Variants in ATAD2B observed in about 807,000 individuals in gnomAD.
The protein encoded by ATAD2B is ATPase family AAA domain-containing protein 2B.
In ATAD2B, 40 loss-of-function variants were observed where a neutral mutation model predicts 167.6. That is an observed-to-expected ratio of 0.24 (90% CI 0.19 to 0.31). The LOEUF (loss-of-function observed/expected upper bound fraction) is 0.31, where lower values mean the gene tolerates loss of function less well. Among genes scored for constraint, ATAD2B ranks in the 10% least tolerant of loss-of-function variants. The pLI is 1.00. For synonymous variants in ATAD2B, 579 were observed against 596.5 expected, an observed-to-expected ratio of 0.97 and a Z score of 0.43; for missense variants, 1,242 against 1,757.2, an observed-to-expected ratio of 0.71 and a Z score of 5.24.
At chr2:23,910,333 G>A (rs971996406) in intron 1 of ATAD2B, among the ~76,000 whole-genome samples, 3 of 151,116 alleles carry the variant, frequency 2.0e-5, no homozygotes, top group Admixed American at 6.6e-5. Context: ...CATGCACCAC[G>A]ATGCTCAGCT....
chr2:23,919,188 AAG>A (rs147968741), intron 1 of ATAD2B, among the ~76,000 whole-genome samples: 18 of 150,970 alleles, frequency 1.2e-4, no homozygotes, highest in Admixed American at 7.3e-4. Context: ...ATTAAAAAAA[AAG>A]AGAGAGAGAG....
At chr2:23,767,612 T>A (rs1677635299) in intron 22 of ATAD2B, among the ~76,000 whole-genome samples, 1 of 152,218 alleles carries the variant, frequency 6.6e-6, no homozygotes, top group Non-Finnish European at 1.5e-5. Context: ...ATTGAAAAGA[T>A]CTGCTGTGGT....
intron 22 of ATAD2B, among the ~76,000 whole-genome samples, chr2:23,780,795 G>C (rs994873227): frequency 2.6e-5 from 4 of 152,096 alleles, no homozygotes; most frequent in African/African-American, 7.2e-5. Context: ...AGCTACTCGG[G>C]AGGGTGAGGC....
Position 23,867,964 on chromosome 2 carries a change from G to C in ATAD2B, c.1077-18C>G. 1 of 1,531,368 alleles carries C rather than the reference G, an allele frequency of 6.5e-7. No homozygotes were observed. The highest frequency in any genetic ancestry group is 9.0e-7 in the Non-Finnish European group (1 of 1,113,896). The allele number at this position is 1,531,368 out of a possible 1,614,324, so 94.9% of individuals were successfully genotyped here. A position where few individuals can be genotyped will look rare whatever the true frequency, so the allele number is the denominator to read the frequency against. On this transcript the variant is annotated intron_variant, in intron 9 of 27. Coordinates refer to ENST00000238789, the MANE Select transcript of ATAD2B (RefSeq NM_017552.4). Reference sequence around the variant, plus strand: ...GCAAACATCTGAAATTTATAAAAGTGCAAGTAAAGTTGCATTAAAAGTTTC... The same window carrying C: ...GCAAACATCTGAAATTTATAAAAGTCCAAGTAAAGTTGCATTAAAAGTTTC...
At chr2:23,918,048 A>AAAAAAAAG (rs1219155479) in intron 1 of ATAD2B, among the ~76,000 whole-genome samples, 1 of 117,606 alleles carries the variant, frequency 8.5e-6, no homozygotes, top group South Asian at 2.9e-4. Context: ...ACTCCATCTC[A>AAAAAAAAG]AAAAAAAGAA....
chr2:23,859,883 G>A (rs1489345482), intron 12 of ATAD2B, among the ~76,000 whole-genome samples: 1 of 151,826 alleles, frequency 6.6e-6, no homozygotes, highest in African/African-American at 2.4e-5. Context: ...CCGGGAGACA[G>A]AAGTTGCTGT....
At chr2:23,767,343 G>C (rs192173501) in intron 22 of ATAD2B, among the ~76,000 whole-genome samples, 1,760 of 152,292 alleles carry the variant, frequency 0.012, 22 homozygotes, top group Non-Finnish European at 0.019. Context: ...ACAGCAGTGG[G>C]GGGCCACATG....
At chr2:23,808,104 A>AGTAATTATATATATAATTATATATATAT (rs1684890121) in intron 18 of ATAD2B, among the ~76,000 whole-genome samples, 2 of 129,696 alleles carry the variant, frequency 1.5e-5, no homozygotes, top group Admixed American at 8.4e-5. Context: ...TATATATATA[A>AGTAATTATATATATAATTATATATATAT]GTAATTATAT....
chr2:23,824,363 C>T (rs1054065817), intron 15 of ATAD2B, among the ~76,000 whole-genome samples: 18 of 152,176 alleles, frequency 1.2e-4, no homozygotes, highest in African/African-American at 4.3e-4. Flanking sequence ...CTCATGACAT[C>T]ATACTCACTT....
At chr2:23,696,016 G>C in the ATAD2B span, 5 of 1,551,718 alleles carry the variant, frequency 3.2e-6, no homozygotes, top group Non-Finnish European at 4.4e-6. This position sits in a 1 kb window ranked among gnomAD's most constrained non-coding sequence, Gnocchi z 5.5. Flanking sequence ...GCGCTCGCTG[G>C]TGGCCGTCAC....
chr2:23,743,082 T>C, the ATAD2B span, among the ~76,000 whole-genome samples: 5 of 146,212 alleles, frequency 3.4e-5, no homozygotes, highest in Non-Finnish European at 7.5e-5. Context: ...ATACAGGATA[T>C]AAATGAGAAA....
At chr2:23,906,248 G>A (rs1182132119) in intron 1 of ATAD2B, among the ~76,000 whole-genome samples, 3 of 152,014 alleles carry the variant, frequency 2.0e-5, no homozygotes, top group Non-Finnish European at 4.4e-5. Context: ...GACTGAGACA[G>A]GAGAATCACT....
At chr2:23,684,064 C>T in the ATAD2B span, among the ~76,000 whole-genome samples, 9 of 152,270 alleles carry the variant, frequency 5.9e-5, no homozygotes, top group African/African-American at 9.6e-5. The surrounding 1 kb of genome is among the most constrained non-coding windows in gnomAD (Gnocchi z 4.4). Context: ...TTTTAGTTGT[C>T]TGTGATAATG....
intron 18 of ATAD2B, among the ~76,000 whole-genome samples, chr2:23,806,851 C>T (rs1453240515): frequency 1.3e-5 from 2 of 152,182 alleles, no homozygotes; most frequent in East Asian, 3.8e-4. Context: ...TGTTAAGCAA[C>T]TTGCCCAAGT....
At chr2:23,828,717 A>C in intron 15 of ATAD2B, 132 bp downstream of exon 15, 2 of 566,996 alleles carry the variant, frequency 3.5e-6, no homozygotes, top group Non-Finnish European at 6.0e-6. Flanking sequence ...AATAACTTTA[A>C]AACATAAAGG....
chr2:23,719,222 C>T, the ATAD2B span, among the ~76,000 whole-genome samples: 3 of 152,094 alleles, frequency 2.0e-5, no homozygotes, highest in Non-Finnish European at 2.9e-5. Context: ...AAAAGGTCAG[C>T]CTTCTTCCCA....
intron 22 of ATAD2B, among the ~76,000 whole-genome samples, chr2:23,768,736 G>T (rs932636445): frequency 6.6e-6 from 1 of 151,944 alleles, no homozygotes; most frequent in Admixed American, 6.6e-5. Context: ...TTATATATAC[G>T]AGTGGAATCA....
chr2:23,728,799 A>G, the ATAD2B span, among the ~76,000 whole-genome samples: 103 of 152,314 alleles, frequency 6.8e-4, no homozygotes, highest in Non-Finnish European at 1.4e-3. Flanking sequence ...TATATGAAGG[A>G]TAATAAGAGA....
At chr2:23,875,738 T>C (rs1696726426) in intron 8 of ATAD2B, 91 bp downstream of exon 8, 5 of 846,018 alleles carry the variant, frequency 5.9e-6, no homozygotes, top group African/African-American at 1.7e-5. Context: ...CTAAATAGGA[T>C]GACAACTGTT....
Sources: allele counts gnomAD v4.1 joint callset (sites outside exome capture counted in the v4.1 genomes callset), GRCh38; gene constraint gnomAD v4.1.1; non-coding constraint Gnocchi (gnomAD v3.1); transcripts MANE v1.5; gene names NCBI Gene and HGNC (gene_info 2026-07-23, HGNC 2026-07-21).